Variants in PTPRD observed in about 807,000 individuals in gnomAD.
PTPRD encodes protein tyrosine phosphatase receptor type D.
In PTPRD, 34 loss-of-function variants were observed where a neutral mutation model predicts 214.5. That is an observed-to-expected ratio of 0.16 (90% CI 0.12 to 0.21). The LOEUF is 0.21. PTPRD is among the 10% of genes least tolerant of loss of function. The pLI is 1.00. For synonymous variants in PTPRD, 1,128 were observed against 845.7 expected, an observed-to-expected ratio of 1.33 and a Z score of -5.79; for missense variants, 2,545 against 2,398.7, an observed-to-expected ratio of 1.06 and a Z score of -1.27.
At chr9:8,888,058 A>G (rs1376780139) in intron 11 of PTPRD, among the ~76,000 whole-genome samples, 1 of 152,214 alleles carries the variant, frequency 6.6e-6, no homozygotes, top group African/African-American at 2.4e-5. Flanking sequence ...TTTAAAAGGA[A>G]GAATAATTAC....
intron 2 of PTPRD, among the ~76,000 whole-genome samples, chr9:10,572,377 G>A (rs1190028674): frequency 1.3e-5 from 2 of 152,132 alleles, no homozygotes; most frequent in Non-Finnish European, 1.5e-5. Flanking sequence ...TAAACAAAAA[G>A]TGCAGTATTG....
At position 9,667,900 on chromosome 9, in the gene PTPRD, A is replaced by G. The variant is rs527246400; in HGVS notation, c.-287+66633T>C. ...TGGGGTGGAGAGCTCCCACTTTGTA[A>G]AACATTCTCTTAGCAATGGAACAAT... is the stretch of plus-strand genomic sequence containing the variant. On this transcript the variant is annotated intron_variant, in intron 7 of 45. Transcript: ENST00000381196. 1.1e-4 allele frequency among the ~76,000 whole-genome samples: 16 copies of G among 152,250 alleles called. 1 individual carries two copies. In the South Asian group the frequency reaches 1.2e-3, roughly 12 times the overall value.
At chr9:9,190,905 G>C (rs2131823466) in intron 9 of PTPRD, among the ~76,000 whole-genome samples, 1 of 152,146 alleles carries the variant, frequency 6.6e-6, no homozygotes, top group East Asian at 1.9e-4. Flanking sequence ...GAGAGAGTGA[G>C]CCTATTCTGC....
intron 14 of PTPRD, among the ~76,000 whole-genome samples, chr9:8,613,061 CATTT>C (rs904926895): frequency 3.9e-5 from 6 of 152,116 alleles, no homozygotes; most frequent in African/African-American, 1.2e-4. Context: ...AAAACCCTAA[CATTT>C]ATTCATTAGT....
chr9:10,323,557 C>T (rs1007229484), intron 3 of PTPRD, among the ~76,000 whole-genome samples: 4 of 151,436 alleles, frequency 2.6e-5, no homozygotes, highest in South Asian at 2.1e-4. Flanking sequence ...CCTCCTGCCT[C>T]GGCCTCCCAA....
At chr9:8,533,064 T>A (rs989782389) in intron 14 of PTPRD, among the ~76,000 whole-genome samples, 1 of 152,108 alleles carries the variant, frequency 6.6e-6, no homozygotes, top group African/African-American at 2.4e-5. Context: ...CTGTGAATGA[T>A]CAAGTAACAG....
chr9:10,418,962 T>G (rs1008388173), intron 2 of PTPRD, among the ~76,000 whole-genome samples: 1 of 151,794 alleles, frequency 6.6e-6, no homozygotes, highest in Non-Finnish European at 1.5e-5. Flanking sequence ...CACTTGTTTT[T>G]CCTTGGCATC....
At chr9:9,089,750 C>T (rs1437424347) in intron 10 of PTPRD, among the ~76,000 whole-genome samples, 1 of 152,060 alleles carries the variant, frequency 6.6e-6, no homozygotes, top group African/African-American at 2.4e-5. Flanking sequence ...TGTCAACATA[C>T]TTGTCAGGGC....
chr9:10,075,857 A>G (rs1451728782), intron 3 of PTPRD, among the ~76,000 whole-genome samples: 2 of 152,126 alleles, frequency 1.3e-5, no homozygotes, highest in Admixed American at 1.3e-4. Context: ...TCTATCCAAG[A>G]TATCTGCTTC....
chr9:8,783,289 T>C (rs976125326), intron 11 of PTPRD, among the ~76,000 whole-genome samples: 2 of 152,178 alleles, frequency 1.3e-5, no homozygotes, highest in African/African-American at 4.8e-5. Flanking sequence ...AGCACAATGT[T>C]GGAGTTATTA....
chr9:8,322,940 G>A (rs899988430), intron 44 of PTPRD, among the ~76,000 whole-genome samples: 17 of 152,088 alleles, frequency 1.1e-4, no homozygotes, highest in Non-Finnish European at 2.5e-4. Flanking sequence ...GGGCTCTCAA[G>A]AATTACACTA....
At chr9:9,854,074 C>G (rs2061069536) in intron 5 of PTPRD, among the ~76,000 whole-genome samples, 1 of 152,148 alleles carries the variant, frequency 6.6e-6, no homozygotes, top group African/African-American at 2.4e-5. Flanking sequence ...TCACACCATG[C>G]AACAGAACAT....
chr9:9,157,377 C>A (rs2099882120), intron 10 of PTPRD, among the ~76,000 whole-genome samples: 1 of 151,688 alleles, frequency 6.6e-6, no homozygotes, highest in Admixed American at 6.6e-5. Context: ...AATCAATAAA[C>A]TCTTAGATTA....
chr9:8,399,471 A>T (rs1367953116), intron 36 of PTPRD, among the ~76,000 whole-genome samples: 1 of 152,202 alleles, frequency 6.6e-6, no homozygotes, highest in Non-Finnish European at 1.5e-5. Flanking sequence ...GCTCAAGGTC[A>T]CATTGTTGTT....
chr9:9,263,673 T>C (rs2099981126), intron 9 of PTPRD, among the ~76,000 whole-genome samples: 1 of 151,690 alleles, frequency 6.6e-6, no homozygotes, highest in African/African-American at 2.4e-5. Flanking sequence ...GAAATTTTCA[T>C]CTGCTAGCCA....
chr9:8,393,179 A>T (rs540890352), intron 36 of PTPRD, among the ~76,000 whole-genome samples: 15 of 152,186 alleles, frequency 9.9e-5, no homozygotes, highest in African/African-American at 3.6e-4. Flanking sequence ...TTAATTTTCA[A>T]TTCCCTGCCT....
At chr9:8,564,881 CA>C (rs1268253110) in intron 14 of PTPRD, among the ~76,000 whole-genome samples, 1 of 151,792 alleles carries the variant, frequency 6.6e-6, no homozygotes, top group African/African-American at 2.4e-5. Flanking sequence ...ATAATCTAAG[CA>C]AAATAAATAT....
intron 10 of PTPRD, among the ~76,000 whole-genome samples, chr9:9,023,204 A>G (rs2099575591): frequency 6.6e-6 from 1 of 152,176 alleles, no homozygotes; most frequent in African/African-American, 2.4e-5. Flanking sequence ...TAAGTGAGAC[A>G]TCATAGCTAA....
At chr9:10,533,474 G>T (rs764215399) in intron 2 of PTPRD, among the ~76,000 whole-genome samples, 5 of 151,954 alleles carry the variant, frequency 3.3e-5, no homozygotes, top group Non-Finnish European at 5.9e-5. Context: ...ACACTCAGCT[G>T]TCTCGCTGAG....
Sources: allele counts gnomAD v4.1 joint callset (sites outside exome capture counted in the v4.1 genomes callset), GRCh38; gene constraint gnomAD v4.1.1; transcripts MANE v1.5; gene names NCBI Gene and HGNC (gene_info 2026-07-23, HGNC 2026-07-21).